SHB: variants seen among roughly 807,000 people sequenced by gnomAD.
The protein encoded by SHB is SH2 domain-containing adapter protein B.
In SHB, 20 loss-of-function variants were observed where a neutral mutation model predicts 52.3. The observed-to-expected ratio is 0.38, with a 90% CI of 0.27 to 0.56. SHB has a LOEUF of 0.56. Among genes scored for constraint, SHB ranks in the 20% least tolerant of loss-of-function variants. The pLI is 0.71. For synonymous variants in SHB, 397 were observed against 316.5 expected (o/e 1.25, Z -2.70); for missense variants, 825 against 723.3 (o/e 1.14, Z -1.61).
At chr9:38,002,265 G>A (rs1044705413) in intron 2 of SHB, among the ~76,000 whole-genome samples, 2 of 152,166 alleles carry the variant, frequency 1.3e-5, no homozygotes, top group Non-Finnish European at 2.9e-5. Flanking sequence ...CCACAGTCTT[G>A]GAAGAAATTA....
At chr9:37,981,620 A>C (rs1476437081) in intron 2 of SHB, among the ~76,000 whole-genome samples, 1 of 152,204 alleles carries the variant, frequency 6.6e-6, no homozygotes, top group Non-Finnish European at 1.5e-5. Flanking sequence ...CGGTGCAAGA[A>C]GCCTACCTTT....
At chr9:37,957,776 A>G (rs1243991434) in intron 3 of SHB, among the ~76,000 whole-genome samples, 1 of 152,242 alleles carries the variant, frequency 6.6e-6, no homozygotes, top group East Asian at 1.9e-4. Flanking sequence ...GTGGCTGGGG[A>G]CAAGTGCCAC....
intron 1 of SHB, among the ~76,000 whole-genome samples, chr9:38,055,673 G>A (rs1022001515): frequency 6.6e-6 from 1 of 151,816 alleles, no homozygotes; most frequent in South Asian, 2.1e-4. Flanking sequence ...CCCACTCCTG[G>A]GCTCTCAGCT....
At chr9:37,993,905 A>G (rs1333525088) in intron 2 of SHB, among the ~76,000 whole-genome samples, 1 of 152,188 alleles carries the variant, frequency 6.6e-6, no homozygotes, top group Admixed American at 6.5e-5. Context: ...AAGACCTACA[A>G]AAAACTTAGA....
At chr9:37,974,369 C>T (rs1301801833) in intron 3 of SHB, among the ~76,000 whole-genome samples, 2 of 152,158 alleles carry the variant, frequency 1.3e-5, no homozygotes, top group East Asian at 1.9e-4. Context: ...GCATCTGAGC[C>T]CTCTCTTTAA....
At chr9:37,985,151 C>T (rs529887902) in intron 2 of SHB, among the ~76,000 whole-genome samples, 1 of 152,212 alleles carries the variant, frequency 6.6e-6, no homozygotes, top group Non-Finnish European at 1.5e-5. Context: ...ACAATGGTCA[C>T]CTTAGGAGCA....
intron 2 of SHB, among the ~76,000 whole-genome samples, chr9:37,976,314 G>T (rs1186793045): frequency 6.6e-6 from 1 of 152,182 alleles, no homozygotes; most frequent in African/African-American, 2.4e-5. Flanking sequence ...GGGATTACAG[G>T]TGTGAGCCAC....
At chr9:38,028,277 G>A (rs537834789) in intron 1 of SHB, among the ~76,000 whole-genome samples, 2 of 152,342 alleles carry the variant, frequency 1.3e-5, no homozygotes, top group South Asian at 4.1e-4. Context: ...CAGCTTCAAG[G>A]AGGGCCCAGA....
chr9:37,923,520 C>A (rs1832208646), intron 5 of SHB, among the ~76,000 whole-genome samples: 1 of 152,180 alleles, frequency 6.6e-6, no homozygotes, highest in African/African-American at 2.4e-5. Context: ...GACGCCTTGT[C>A]CACACACAGC....
intron 4 of SHB, among the ~76,000 whole-genome samples, chr9:37,950,262 C>A (rs1344400141): frequency 6.6e-6 from 1 of 151,546 alleles, no homozygotes; most frequent in Non-Finnish European, 1.5e-5. Context: ...GTGTGTGTTT[C>A]CTTTTTTTTT....
At chr9:37,985,399 C>G (rs1233515831) in intron 2 of SHB, among the ~76,000 whole-genome samples, 1 of 152,246 alleles carries the variant, frequency 6.6e-6, no homozygotes, top group Admixed American at 6.5e-5. Context: ...AAAAAGGCCA[C>G]GTGGACCTTG....
rs1260466276 is a variant in SHB, at chr9:38,068,512, G to A, written c.134C>T (p.Pro45Leu). 1 of 1,482,912 alleles carries A rather than the reference G, an allele frequency of 6.7e-7. No individual in the cohort carries two copies. Among genetic ancestry groups the A allele is most frequent in the Non-Finnish European group, 8.9e-7 (1 of 1,123,926 alleles). 91.9% of individuals were successfully genotyped at this position (1,482,912 alleles called of 1,614,324 possible). A position where few individuals can be genotyped will look rare whatever the true frequency, so the allele number is the denominator to read the frequency against. Residue 45 changes from proline to leucine, a missense_variant, in exon 1 of 6, where the codon CCG (proline) becomes CTG (leucine). Coordinates refer to ENST00000377707, the MANE Select transcript of SHB (RefSeq NM_003028.3). ...ERPSQPPQAV[P>L]QASSAASASC... is the part of the protein sequence containing the mutation. Reference sequence around the variant, plus strand: ...CGCCGAGGCGGCGGAGGAGGCCTGCGGCACGGCCTGGGGGGGCTGCGAAGG... The same window carrying A: ...CGCCGAGGCGGCGGAGGAGGCCTGCAGCACGGCCTGGGGGGGCTGCGAAGG...
chr9:37,928,529 G>A (rs145267219), intron 5 of SHB, among the ~76,000 whole-genome samples: 2 of 152,278 alleles, frequency 1.3e-5, no homozygotes, highest in African/African-American at 2.4e-5. Flanking sequence ...GGCCAGGGAC[G>A]CTGCTAAATA....
chr9:38,003,837 A>G (rs1821047674), intron 2 of SHB, among the ~76,000 whole-genome samples: 1 of 152,244 alleles, frequency 6.6e-6, no homozygotes, highest in African/African-American at 2.4e-5. Context: ...CAGAAATGGA[A>G]GCAAATCCTA....
Position 37,986,701 on chromosome 9 carries a change from T to A in SHB, c.839-11864A>T, listed in dbSNP as rs1688536426. On this transcript the variant is annotated intron_variant, in intron 2 of 5. Coordinates refer to ENST00000377707, the MANE Select transcript of SHB (RefSeq NM_003028.3). Reference sequence around the variant, plus strand: ...GCCCCCAGATGTGGAAATGCTGGCATATCCACTGGGATGATGAGCAGGGGC... The same window carrying A: ...GCCCCCAGATGTGGAAATGCTGGCAAATCCACTGGGATGATGAGCAGGGGC... Among the ~76,000 whole-genome samples, 3 of 152,204 alleles carry A rather than the reference T, an allele frequency of 2.0e-5. No homozygotes were observed. In the South Asian group the frequency reaches 6.2e-4, roughly 32 times the overall value.
At chr9:37,970,970 G>C (rs558809469) in intron 3 of SHB, among the ~76,000 whole-genome samples, 87 of 152,140 alleles carry the variant, frequency 5.7e-4, no homozygotes, top group South Asian at 1.2e-3. Flanking sequence ...AATATAAGGG[G>C]TGAAAGGAGA....
chr9:37,999,850 C>T (rs1367671501), intron 2 of SHB, among the ~76,000 whole-genome samples: 4 of 152,224 alleles, frequency 2.6e-5, no homozygotes, highest in African/African-American at 7.2e-5. Context: ...AAGCTCAAAC[C>T]GGCTGTCGGA....
chr9:38,064,413 T>C (rs894386019), intron 1 of SHB, among the ~76,000 whole-genome samples: 1 of 152,180 alleles, frequency 6.6e-6, no homozygotes, highest in Non-Finnish European at 1.5e-5. Flanking sequence ...AAGTGCTGCT[T>C]TCCAAGAACA....
chr9:38,038,203 C>T (rs1289696406), intron 1 of SHB, among the ~76,000 whole-genome samples: 1 of 152,090 alleles, frequency 6.6e-6, no homozygotes, highest in Non-Finnish European at 1.5e-5. Flanking sequence ...CAGCACACAA[C>T]AGGCTGGGCG....
Sources: gnomAD v4.1 joint callset for allele counts (sites outside exome capture counted in the v4.1 genomes callset) on GRCh38, gnomAD v4.1.1 for gene constraint, MANE v1.5 for transcripts, NCBI Gene and HGNC (gene_info 2026-07-23, HGNC 2026-07-21) for gene names.